Variants in CLYBL observed in about 807,000 individuals in gnomAD.
CLYBL encodes citramalyl-CoA lyase, mitochondrial.
Under a neutral mutation model 38.9 loss-of-function variants are expected in CLYBL, and 31 were observed. The ratio of observed to expected loss-of-function variants is 0.80; its 90% CI spans 0.60 to 1.08. The LOEUF is 1.08. Among genes scored for constraint, CLYBL ranks in the 50% least tolerant of loss-of-function variants. CLYBL has a pLI of 0.00. For missense variants in CLYBL, 434 were observed against 411.6 expected (o/e 1.05, Z -0.47); for synonymous variants, 171 against 158.6 (o/e 1.08, Z -0.59).
At chr13:99,874,418 TTAAAAG>T (rs1278084647) in intron 7 of CLYBL, among the ~76,000 whole-genome samples, 2 of 152,342 alleles carry the variant, frequency 1.3e-5, no homozygotes, top group Non-Finnish European at 2.9e-5. Context: ...AAGGATTTTC[TTAAAAG>T]TTAATTCCAT....
chr13:99,849,130 T>A lies in CLYBL; in HGVS notation c.250-9731T>A, dbSNP rs1262480794. 7.2e-6 allele frequency among the ~76,000 whole-genome samples: 1 copy of A among 138,788 alleles called. No homozygotes were observed. The highest frequency in any genetic ancestry group is 1.5e-5 in the Non-Finnish European group (1 of 65,662). 91.1% of individuals were successfully genotyped at this position (138,788 alleles called of 152,430 possible). On this transcript the variant is annotated intron_variant, in intron 2 of 8. Coordinates refer to ENST00000339105, the MANE Select transcript of CLYBL (RefSeq NM_206808.5). The surrounding 1 kb of genome is among the most constrained non-coding windows in gnomAD (Gnocchi z 4.9). Reference sequence around the variant, plus strand: ...CTCCAGCCTAAGAGACACGTGAGACTCCATCTCAAAAAAAGAAAAAAGAAA... The same window carrying A: ...CTCCAGCCTAAGAGACACGTGAGACACCATCTCAAAAAAAGAAAAAAGAAA...
At chr13:99,805,021 C>A (rs1184954257) in intron 2 of CLYBL, among the ~76,000 whole-genome samples, 2 of 152,154 alleles carry the variant, frequency 1.3e-5, no homozygotes, top group African/African-American at 4.8e-5. Context: ...AGTATTTGTC[C>A]TTTTGTGACT....
At chr13:99,654,446 C>A (rs906493851) in intron 1 of CLYBL, among the ~76,000 whole-genome samples, 1 of 152,176 alleles carries the variant, frequency 6.6e-6, no homozygotes, top group Non-Finnish European at 1.5e-5. Flanking sequence ...AGCCCCAGTG[C>A]GGTAGGGTGG....
intron 1 of CLYBL, among the ~76,000 whole-genome samples, chr13:99,665,314 C>T (rs1425976263): frequency 6.6e-6 from 1 of 151,014 alleles, no homozygotes; most frequent in Non-Finnish European, 1.5e-5. Flanking sequence ...TTTATAAAAA[C>T]TAGGAAAAGA....
At chr13:99,773,039 A>T in intron 2 of CLYBL, 29 bp downstream of exon 2, 1 of 1,590,708 alleles carries the variant, frequency 6.3e-7, no homozygotes, top group Middle Eastern at 1.7e-4. Flanking sequence ...TATGAGAAAA[A>T]GAAAGGTATT....
chr13:99,789,456 C>T (rs1187459141), intron 2 of CLYBL, among the ~76,000 whole-genome samples: 1 of 152,156 alleles, frequency 6.6e-6, no homozygotes, highest in Admixed American at 6.5e-5. Flanking sequence ...TCGTTATGTA[C>T]CCAGTAGTCA....
At chr13:99,731,067 A>T (rs1373526279) in intron 1 of CLYBL, among the ~76,000 whole-genome samples, 1 of 116,034 alleles carries the variant, frequency 8.6e-6, no homozygotes, top group Admixed American at 1.2e-4. Context: ...TGGGTGACAG[A>T]GTGAGACTCT....
intron 1 of CLYBL, among the ~76,000 whole-genome samples, chr13:99,701,333 C>T (rs2048061816): frequency 6.6e-6 from 1 of 152,074 alleles, no homozygotes; most frequent in Non-Finnish European, 1.5e-5. Context: ...TGTTTTGAGA[C>T]AGAGTCTTGC....
chr13:99,829,972 A>C (rs2050773599), intron 2 of CLYBL, among the ~76,000 whole-genome samples: 1 of 152,122 alleles, frequency 6.6e-6, no homozygotes, highest in African/African-American at 2.4e-5. Flanking sequence ...AGCGTAATTC[A>C]CACCGGAGCA....
chr13:99,624,214 G>A (rs2046838457), intron 1 of CLYBL, among the ~76,000 whole-genome samples: 1 of 152,138 alleles, frequency 6.6e-6, no homozygotes, highest in Non-Finnish European at 1.5e-5. Flanking sequence ...TCCCTGTTAT[G>A]TTTGGTCTCC....
chr13:99,760,928 C>T (rs1318799968), intron 1 of CLYBL, among the ~76,000 whole-genome samples: 3 of 152,218 alleles, frequency 2.0e-5, no homozygotes, highest in Non-Finnish European at 2.9e-5. Flanking sequence ...TTGTAAACTA[C>T]AGTCACCCTA....
chr13:99,773,078 A>G (rs2138795630), intron 2 of CLYBL, 68 bp downstream of exon 2: 1 of 1,301,620 alleles, frequency 7.7e-7, no homozygotes, highest in Non-Finnish European at 1.1e-6. Flanking sequence ...GAATAGTGAC[A>G]TTGCCCGCTA....
downstream of CLYBL, among the ~76,000 whole-genome samples, chr13:99,897,935 C>A (rs188386144): frequency 1.0e-4 from 14 of 133,950 alleles, no homozygotes; most frequent in Admixed American, 1.1e-3. Flanking sequence ...GGCGAAATGC[C>A]GTCTCAAAAA....
intron 2 of CLYBL, among the ~76,000 whole-genome samples, chr13:99,802,103 C>G (rs1449148541): frequency 6.6e-6 from 1 of 152,142 alleles, no homozygotes; most frequent in African/African-American, 2.4e-5. Context: ...TAACAAAACA[C>G]TGTAGATTGG....
At chr13:99,611,664 G>A (rs1029807043) in intron 1 of CLYBL, among the ~76,000 whole-genome samples, 2 of 152,146 alleles carry the variant, frequency 1.3e-5, no homozygotes, top group African/African-American at 2.4e-5. Flanking sequence ...GAGAGTTCCC[G>A]CTTCTATTTC....
intron 1 of CLYBL, among the ~76,000 whole-genome samples, chr13:99,648,468 C>T (rs1406087675): frequency 6.6e-6 from 1 of 152,154 alleles, no homozygotes; most frequent in Admixed American, 6.5e-5. Context: ...TTCCTGCTAG[C>T]CCTGGTTTTT....
chr13:99,733,002 A>C (rs1362690372), intron 1 of CLYBL, among the ~76,000 whole-genome samples: 1 of 152,232 alleles, frequency 6.6e-6, no homozygotes, highest in Non-Finnish European at 1.5e-5. Flanking sequence ...ATTTGTATGA[A>C]GCTAATTTGA....
chr13:99,738,457 G>A (rs1244703926), intron 1 of CLYBL, among the ~76,000 whole-genome samples: 2 of 152,196 alleles, frequency 1.3e-5, no homozygotes, highest in Non-Finnish European at 2.9e-5. Flanking sequence ...TGGCCACTGA[G>A]AAAGGAGACA....
chr13:99,681,017 T>C (rs1195976917), intron 1 of CLYBL, among the ~76,000 whole-genome samples: 1 of 152,208 alleles, frequency 6.6e-6, no homozygotes, highest in African/African-American at 2.4e-5. Context: ...TGTGATTATT[T>C]TGGACCAGCG....
Sources: gnomAD v4.1 joint callset for allele counts (sites outside exome capture counted in the v4.1 genomes callset) on GRCh38, gnomAD v4.1.1 for gene constraint, Gnocchi (gnomAD v3.1) non-coding constraint, MANE v1.5 for transcripts, NCBI Gene and HGNC (gene_info 2026-07-23, HGNC 2026-07-21) for gene names.